TASP1: variants seen among roughly 807,000 people sequenced by gnomAD.
The protein encoded by TASP1 is threonine aspartase 1.
In TASP1, 16 loss-of-function variants were observed where a neutral mutation model predicts 56.6. The observed-to-expected ratio is 0.28, with a 90% CI of 0.19 to 0.43. The LOEUF (loss-of-function observed/expected upper bound fraction) is 0.43, where lower values mean the gene tolerates loss of function less well. TASP1 is among the 20% of genes least tolerant of loss of function. TASP1 has a pLI of 1.00. For missense variants in TASP1, 393 were observed against 511.6 expected, an observed-to-expected ratio of 0.77 and a Z score of 2.24; for synonymous variants, 179 against 184.2, an observed-to-expected ratio of 0.97 and a Z score of 0.23.
At chr20:13,350,407 G>C in the TASP1 span, among the ~76,000 whole-genome samples, 1 of 151,876 alleles carries the variant, frequency 6.6e-6, no homozygotes, top group African/African-American at 2.4e-5. Context: ...TAAAATTTAC[G>C]TGGAAAAGCA....
chr20:13,508,330 A>G (rs2044204194), intron 10 of TASP1, among the ~76,000 whole-genome samples: 1 of 152,222 alleles, frequency 6.6e-6, no homozygotes, highest in East Asian at 1.9e-4. Context: ...ATGGGAAAAA[A>G]TATTTGCAAA....
the TASP1 span, among the ~76,000 whole-genome samples, chr20:13,186,265 G>A: frequency 6.6e-6 from 1 of 152,112 alleles, no homozygotes; most frequent in African/African-American, 2.4e-5. Flanking sequence ...TGTTAAATAT[G>A]TACATAACAC....
At chr20:13,370,680 C>CA in the TASP1 span, among the ~76,000 whole-genome samples, 4 of 151,930 alleles carry the variant, frequency 2.6e-5, no homozygotes, top group Admixed American at 1.3e-4. Context: ...ACAGCCTTTA[C>CA]AAAAAAAGTA....
the TASP1 span, among the ~76,000 whole-genome samples, chr20:13,348,804 G>A: frequency 3.3e-5 from 5 of 152,060 alleles, no homozygotes; most frequent in African/African-American, 7.2e-5. Context: ...AGATTCATAC[G>A]TAAGCTAAGG....
At chr20:13,220,099 A>G in the TASP1 span, among the ~76,000 whole-genome samples, 1 of 152,176 alleles carries the variant, frequency 6.6e-6, no homozygotes, top group African/African-American at 2.4e-5. Context: ...GCTGTGTGCG[A>G]ACGCGTGGAC....
rs144252368 is a variant in TASP1, at chr20:13,599,782, T to C, written c.283-12412A>G. On this transcript the variant is annotated intron_variant, in intron 4 of 13. Transcript: ENST00000337743. ...AGAGGCTAACTAAATCCAACATCCA[T>C]TCGTGATTTAAAAAAAAAAAAAAGA... Among the ~76,000 whole-genome samples the C allele has an allele frequency of 1.7e-3, 254 of 149,878 alleles. 1 individual carries two copies. The highest frequency in any genetic ancestry group is 5.7e-3 in the African/African-American group (233 of 40,588).
intron 10 of TASP1, among the ~76,000 whole-genome samples, chr20:13,513,887 C>A (rs1324722249): frequency 6.6e-6 from 1 of 151,940 alleles, no homozygotes; most frequent in Non-Finnish European, 1.5e-5. Flanking sequence ...AGAATAAAAT[C>A]AAAACAGGTA....
At chr20:13,598,337 A>G (rs1417120257) in intron 4 of TASP1, among the ~76,000 whole-genome samples, 2 of 152,222 alleles carry the variant, frequency 1.3e-5, no homozygotes, top group African/African-American at 4.8e-5. Context: ...AAACAGATAT[A>G]TAGACCAATG....
the TASP1 span, among the ~76,000 whole-genome samples, chr20:13,361,137 G>A: frequency 2.6e-5 from 4 of 151,970 alleles, no homozygotes; most frequent in Non-Finnish European, 4.4e-5. Flanking sequence ...TACACATCAA[G>A]CTCGAGGATT....
At position 13,518,683 on chromosome 20, in the gene TASP1, G is replaced by T. The variant is rs1280903392; in HGVS notation, c.874+9750C>A. Among the ~76,000 whole-genome samples the T allele has an allele frequency of 4.6e-5, 7 of 152,150 alleles. No individual in the cohort carries two copies. The East Asian group carries it at 1.2e-3, about 25-fold the overall frequency. ...ATTCACACTCATTCAGCAGTTGTAG[G>T]TAATAAGCAACATTCACACATCAAC... On this transcript the variant is annotated intron_variant, in intron 10 of 13. Transcript: ENST00000337743.
At chr20:13,344,277 GCA>G in the TASP1 span, among the ~76,000 whole-genome samples, 17 of 151,644 alleles carry the variant, frequency 1.1e-4, no homozygotes, top group African/African-American at 3.6e-4. Flanking sequence ...CTATATTTGC[GCA>G]CACACACACG....
the TASP1 span, chr20:13,299,405 G>A: frequency 1.9e-5 from 31 of 1,612,170 alleles, no homozygotes; most frequent in African/African-American, 2.0e-4. The surrounding 1 kb of genome is among the most constrained non-coding windows in gnomAD (Gnocchi z 5.8). Flanking sequence ...AGTGCACAGA[G>A]AGCCCCTCGG....
intron 10 of TASP1, among the ~76,000 whole-genome samples, chr20:13,488,095 T>A (rs1214356739): frequency 6.6e-6 from 1 of 152,156 alleles, no homozygotes; most frequent in East Asian, 1.9e-4. Flanking sequence ...TAATGTCCAA[T>A]GCATTAATAG....
At chr20:13,418,103 G>A (rs6033700) in intron 12 of TASP1, among the ~76,000 whole-genome samples, 1 of 152,082 alleles carries the variant, frequency 6.6e-6, no homozygotes, top group Admixed American at 6.5e-5. Context: ...GTAGAGACGG[G>A]GTTTCACCAT....
chr20:13,266,336 TAGA>T, the TASP1 span, among the ~76,000 whole-genome samples: 1 of 152,134 alleles, frequency 6.6e-6, no homozygotes, highest in Non-Finnish European at 1.5e-5. Context: ...TCTAAAATAA[TAGA>T]AGGAGAGGAG....
the TASP1 span, among the ~76,000 whole-genome samples, chr20:13,231,851 A>C: frequency 2.0e-5 from 3 of 152,284 alleles, no homozygotes; most frequent in South Asian, 2.1e-4. Flanking sequence ...CCAAATATTC[A>C]AGAGCAGTGA....
the TASP1 span, among the ~76,000 whole-genome samples, chr20:13,329,280 T>C: frequency 6.6e-6 from 1 of 152,054 alleles, no homozygotes; most frequent in Non-Finnish European, 1.5e-5. Context: ...TCAGGTAAAA[T>C]GAGGTAATTA....
chr20:13,457,682 T>C (rs2043897486), intron 11 of TASP1, among the ~76,000 whole-genome samples: 1 of 152,154 alleles, frequency 6.6e-6, no homozygotes, highest in African/African-American at 2.4e-5. Flanking sequence ...TCATCTGTGA[T>C]AAGGCTGCAA....
At chr20:13,358,477 AG>A in the TASP1 span, among the ~76,000 whole-genome samples, 1 of 152,278 alleles carries the variant, frequency 6.6e-6, no homozygotes, top group East Asian at 1.9e-4. Context: ...ATTTTAAATC[AG>A]GTAGGCGGCC....
Sources: allele counts gnomAD v4.1 joint callset (sites outside exome capture counted in the v4.1 genomes callset), GRCh38; gene constraint gnomAD v4.1.1; non-coding constraint Gnocchi (gnomAD v3.1); transcripts MANE v1.5; gene names NCBI Gene and HGNC (gene_info 2026-07-23, HGNC 2026-07-21).